NDUFAB1: variants seen among roughly 807,000 people sequenced by gnomAD.
NDUFAB1 encodes acyl carrier protein, mitochondrial.
NDUFAB1 carries 5 observed loss-of-function variants against 16.1 expected under a neutral mutation model. That is an observed-to-expected ratio of 0.31 (90% confidence interval 0.16 to 0.65). NDUFAB1 has a LOEUF of 0.65. NDUFAB1 is among the 30% of genes least tolerant of loss of function. The pLI is 0.77. For missense variants in NDUFAB1, 187 were observed against 205.3 expected, an observed-to-expected ratio of 0.91 and a Z score of 0.54; for synonymous variants, 85 against 78.4, an observed-to-expected ratio of 1.08 and a Z score of -0.44.
At chr16:23,589,497 A>G (rs1966260579) in intron 1 of NDUFAB1, among the ~76,000 whole-genome samples, 1 of 152,178 alleles carries the variant, frequency 6.6e-6, no homozygotes, top group Non-Finnish European at 1.5e-5. Context: ...CCTACTTAAC[A>G]ATGACTCAAA....
Position 23,583,739 on chromosome 16 carries a change from G to A in NDUFAB1, c.380-1364C>T, listed in dbSNP as rs1302645743. Among the ~76,000 whole-genome samples the A allele has an allele frequency of 8.6e-5, 13 of 151,630 alleles. 2 individuals carry two copies. Among genetic ancestry groups the A allele is most frequent in the African/African-American group, 3.2e-4 (13 of 41,186 alleles). On this transcript the variant is annotated intron_variant, in intron 3 of 4. Coordinates refer to ENST00000007516, the MANE Select transcript of NDUFAB1 (RefSeq NM_005003.3). ...AAGTGAGGAGCGTCTCCGCCCGGCAGCCGCCCCGTCAGGGAGGTGTACCCA... is the reference window on the plus strand; with the variant it reads ...AAGTGAGGAGCGTCTCCGCCCGGCAACCGCCCCGTCAGGGAGGTGTACCCA...
At chr16:23,586,202 A>G (rs752775466) in intron 2 of NDUFAB1, among the ~76,000 whole-genome samples, 4 of 152,148 alleles carry the variant, frequency 2.6e-5, no homozygotes, top group Non-Finnish European at 5.9e-5. Flanking sequence ...CTGGGATTAC[A>G]GGCGTGAGCC....
intron 1 of NDUFAB1, chr16:23,591,208 C>T (rs918426844): frequency 6.6e-6 from 1 of 152,032 alleles, no homozygotes; most frequent in African/African-American, 2.4e-5. Context: ...CCCCAACAGC[C>T]AACATGTGAT....
At chr16:23,591,654 G>A (rs1193161965) in intron 1 of NDUFAB1, among the ~76,000 whole-genome samples, 2 of 152,010 alleles carry the variant, frequency 1.3e-5, no homozygotes, top group Non-Finnish European at 2.9e-5. Context: ...ACAATTCCTC[G>A]CTGCAGCATA....
At position 23,596,200 on chromosome 16, in the gene NDUFAB1, G is replaced by T. The variant is rs760667350; in HGVS notation, c.91C>A (p.Pro31Thr). ...GCGGAGCAGAGAGCGGTGCTGAGAG[G>T]CCGGGCCACGGCCAGCATCCGGACC... ...PRVRMLAVAR[P>T]LSTALCSAGT... The change falls in exon 1 of 5, where the codon CCT (proline) becomes ACT (threonine). Residue 31 changes from proline (P) to threonine (T), a missense_variant. By Grantham distance (38) the Pro-to-Thr change is conservative. This residue lies in a region of NDUFAB1 where 135 missense variants were observed against 129.4 expected (regional missense o/e 1.04). Coordinates refer to ENST00000007516, the MANE Select transcript of NDUFAB1 (RefSeq NM_005003.3). 14 of 1,610,328 alleles carry T rather than the reference G, an allele frequency of 8.7e-6. No individual in the cohort carries two copies. Among genetic ancestry groups the T allele is most frequent in the South Asian group, 6.6e-5 (6 of 90,692 alleles).
intron 1 of NDUFAB1, chr16:23,595,401 G>T: frequency 2.7e-6 from 1 of 367,358 alleles, no homozygotes; most frequent in Non-Finnish European, 5.4e-6. Flanking sequence ...CAGGACCCCC[G>T]ACTATACCCA....
At chr16:23,594,407 C>T (rs1385990394) in intron 1 of NDUFAB1, among the ~76,000 whole-genome samples, 2 of 152,160 alleles carry the variant, frequency 1.3e-5, no homozygotes, top group Non-Finnish European at 2.9e-5. Flanking sequence ...GACTGGAGTG[C>T]AGTGGCATCA....
chr16:23,593,016 C>A (rs150792010), intron 1 of NDUFAB1, among the ~76,000 whole-genome samples: 44 of 152,334 alleles, frequency 2.9e-4, no homozygotes, highest in African/African-American at 9.9e-4. Flanking sequence ...GTTAGGCACA[C>A]CAGGTGTGAT....
intron 2 of NDUFAB1, among the ~76,000 whole-genome samples, chr16:23,585,926 G>A (rs1424550707): frequency 4.6e-5 from 7 of 152,126 alleles, no homozygotes; most frequent in African/African-American, 1.4e-4. Flanking sequence ...TCACTCTAAT[G>A]TTGTCTGTTT....
At chr16:23,591,466 T>C (rs150475838) in intron 1 of NDUFAB1, among the ~76,000 whole-genome samples, 74 of 152,272 alleles carry the variant, frequency 4.9e-4, no homozygotes, top group African/African-American at 1.8e-3. Context: ...AACTGCCGAC[T>C]GGTCCACTCT....
intron 1 of NDUFAB1, among the ~76,000 whole-genome samples, chr16:23,593,482 G>A (rs1038278926): frequency 2.0e-5 from 3 of 152,214 alleles, no homozygotes; most frequent in Non-Finnish European, 4.4e-5. Context: ...CTGGCACACA[G>A]CTGGCCCTCA....
At chr16:23,593,478 C>A (rs1966296427) in intron 1 of NDUFAB1, among the ~76,000 whole-genome samples, 1 of 152,216 alleles carries the variant, frequency 6.6e-6, no homozygotes, top group South Asian at 2.1e-4. Context: ...AGTCCTGGCA[C>A]ACAGCTGGCC....
At chr16:23,586,151 C>A (rs1048232162) in intron 2 of NDUFAB1, among the ~76,000 whole-genome samples, 2 of 151,938 alleles carry the variant, frequency 1.3e-5, no homozygotes, top group Non-Finnish European at 2.9e-5. Context: ...TGGTCTCGAA[C>A]CCCTGACCTC....
chr16:23,595,821 A>G (rs924146648), intron 1 of NDUFAB1, among the ~76,000 whole-genome samples: 2 of 152,258 alleles, frequency 1.3e-5, no homozygotes, highest in Non-Finnish European at 2.9e-5. Flanking sequence ...CGCAAGGTAG[A>G]GACCAGGATC....
At chr16:23,594,088 A>G (rs1966302483) in intron 1 of NDUFAB1, among the ~76,000 whole-genome samples, 1 of 151,616 alleles carries the variant, frequency 6.6e-6, no homozygotes, top group Non-Finnish European at 1.5e-5. Context: ...TCACCGTGTT[A>G]GCCAGGATGG....
intron 1 of NDUFAB1, among the ~76,000 whole-genome samples, chr16:23,593,707 T>C (rs2142239213): frequency 6.6e-6 from 1 of 152,216 alleles, no homozygotes; most frequent in African/African-American, 2.4e-5. Context: ...GAATCTGTAT[T>C]CCAGCCTAAG....
rs1966322355 is a variant in NDUFAB1, at chr16:23,596,004, C to G, written c.168+119G>C. 4.8e-6 allele frequency: 6 copies of G among 1,241,970 alleles called. No individual in the cohort carries two copies. In the South Asian group the frequency reaches 7.8e-5, roughly 16 times the overall value. 76.9% of individuals were successfully genotyped at this position (1,241,970 alleles called of 1,614,324 possible). ...TTAGGCAGCGGGGCTGCGGAGCGAG[C>G]CGGCTGCCCCCCGGGTCACCCCTGC... is the stretch of plus-strand genomic sequence containing the variant. On this transcript the variant is annotated intron_variant, in intron 1 of 4. Transcript: ENST00000007516.
intron 3 of NDUFAB1, among the ~76,000 whole-genome samples, chr16:23,582,760 C>CT (rs898666518): frequency 1.3e-5 from 2 of 149,488 alleles, no homozygotes; most frequent in African/African-American, 2.5e-5. Flanking sequence ...CACGGTCTCC[C>CT]TCTCCCTCTC....
At chr16:23,587,092 T>C in intron 2 of NDUFAB1, 105 bp downstream of exon 2, 1 of 1,190,804 alleles carries the variant, frequency 8.4e-7, no homozygotes. Flanking sequence ...CCTGGGTGTC[T>C]GGGAGCCAGG....
Sources: gnomAD v4.1 joint callset for allele counts (sites outside exome capture counted in the v4.1 genomes callset) on GRCh38, gnomAD v4.1.1 for gene constraint, gnomAD v4.1.1 regional missense constraint, MANE v1.5 for transcripts, NCBI Gene and HGNC (gene_info 2026-07-23, HGNC 2026-07-21) for gene names.